The following ADGRL2 variants were observed in gnomAD, a reference collection of about 807,000 sequenced individuals.
ADGRL2 encodes the protein calcium-independent alpha-latrotoxin receptor 2.
A neutral mutation model predicts 157.4 loss-of-function variants in ADGRL2; 44 were observed. That is an observed-to-expected ratio of 0.28 (90% CI 0.22 to 0.36). The LOEUF is 0.36. Among genes scored for constraint, ADGRL2 ranks in the 10% least tolerant of loss-of-function variants. The pLI, the probability that ADGRL2 is intolerant of heterozygous loss-of-function variation, is 1.00. For missense variants in ADGRL2, 1,510 were observed against 1,768.9 expected (o/e 0.85, Z 2.63); for synonymous variants, 585 against 624.7 (o/e 0.94, Z 0.95).
At chr1:81,824,411 A>G (rs1429783224) in intron 1 of ADGRL2, among the ~76,000 whole-genome samples, 1 of 152,098 alleles carries the variant, frequency 6.6e-6, no homozygotes, top group Non-Finnish European at 1.5e-5. Flanking sequence ...AGAAGCTGGA[A>G]CTACAGGCAC....
intron 2 of ADGRL2, among the ~76,000 whole-genome samples, chr1:81,764,189 C>CAAAAAA (rs34716755): frequency 9.9e-6 from 1 of 101,496 alleles, no homozygotes; most frequent in Non-Finnish European, 1.9e-5. Flanking sequence ...GAGACTCTGT[C>CAAAAAA]AAAAAAAAAA....
chr1:81,622,442 G>A (rs564112385), intron 3 of ADGRL2, among the ~76,000 whole-genome samples: 3 of 152,224 alleles, frequency 2.0e-5, no homozygotes, highest in South Asian at 2.1e-4. Context: ...TTAGCTGGGC[G>A]TGGTGGCACA....
chr1:81,376,245 G>A (rs1047552157), intron 1 of ADGRL2, among the ~76,000 whole-genome samples: 10 of 152,178 alleles, frequency 6.6e-5, no homozygotes, highest in Non-Finnish European at 1.3e-4. Flanking sequence ...AGAACCATTA[G>A]GCATTTTCCC....
chr1:81,662,825 G>A (rs907401850), intron 3 of ADGRL2, among the ~76,000 whole-genome samples: 6 of 152,140 alleles, frequency 3.9e-5, no homozygotes, highest in Admixed American at 2.0e-4. Flanking sequence ...AAAGTGCAGG[G>A]ATTACAGGCG....
At chr1:81,451,100 G>T (rs890087182) in intron 2 of ADGRL2, among the ~76,000 whole-genome samples, 5 of 151,868 alleles carry the variant, frequency 3.3e-5, no homozygotes, top group African/African-American at 1.2e-4. Context: ...TTACACACTC[G>T]CTAACAGATA....
chr1:81,622,934 C>T (rs563791521), intron 3 of ADGRL2, among the ~76,000 whole-genome samples: 1 of 152,216 alleles, frequency 6.6e-6, no homozygotes, highest in South Asian at 2.1e-4. Context: ...TTTGAAGCAA[C>T]TGTAAAAATG....
At chr1:81,805,895 A>C (rs2089066089) in intron 1 of ADGRL2, among the ~76,000 whole-genome samples, 1 of 152,078 alleles carries the variant, frequency 6.6e-6, no homozygotes, top group African/African-American at 2.4e-5. Flanking sequence ...TCTTCACTTT[A>C]TGTGAGGGTG....
chr1:81,501,782 C>CAGCAGCAGG (rs2078854594), intron 2 of ADGRL2: 1 of 1,355,748 alleles, frequency 7.4e-7, no homozygotes. Context: ...GGAGCCACTT[C>CAGCAGCAGG]AGCAGCAGCA....
At chr1:81,406,771 G>C (rs565027090) in intron 1 of ADGRL2, among the ~76,000 whole-genome samples, 1 of 152,216 alleles carries the variant, frequency 6.6e-6, no homozygotes, top group East Asian at 1.9e-4. Flanking sequence ...GCACAACTCT[G>C]CTCCCCAATC....
At chr1:81,708,007 G>A (rs567758424) in intron 1 of ADGRL2, among the ~76,000 whole-genome samples, 2 of 152,268 alleles carry the variant, frequency 1.3e-5, no homozygotes, top group South Asian at 2.1e-4. Context: ...TCAAATATAA[G>A]TAGCTATTTT....
At position 81,398,762 on chromosome 1, in the gene ADGRL2, TCTGCTGAC is replaced by T. The variant is rs754185135; in HGVS notation, c.-301-46273_-301-46266del. Among the ~76,000 whole-genome samples the T allele has an allele frequency of 1.8e-3, 270 of 152,322 alleles. 1 individual carries two copies. The highest frequency in any genetic ancestry group is 2.9e-3 in the Non-Finnish European group (194 of 68,026). ...GGTCTATAAGACTTCTGCTGAGAAG[TCTGCTGAC>T]AGTCTAATGGAGATTTTCTTACAGA... On this transcript the variant is annotated intron_variant, in intron 1 of 24. Transcript: ENST00000370721.
At chr1:81,756,296 C>T (rs535914494) in intron 1 of ADGRL2, among the ~76,000 whole-genome samples, 2 of 150,392 alleles carry the variant, frequency 1.3e-5, no homozygotes, top group South Asian at 2.1e-4. Context: ...CTTAGGACAA[C>T]ACCAATTCTA....
chr1:81,721,703 C>T, intron 1 of ADGRL2: 2 of 1,366,608 alleles, frequency 1.5e-6, no homozygotes, highest in Non-Finnish European at 2.1e-6. Flanking sequence ...ATGGACCCCC[C>T]GCAAAGTGAA....
At chr1:81,616,679 C>CTTTTTTTTTTTTTTTTTTTTTTTTTTT (rs1164087131) in intron 3 of ADGRL2, among the ~76,000 whole-genome samples, 7 of 105,986 alleles carry the variant, frequency 6.6e-5, no homozygotes, top group Admixed American at 1.1e-4. Context: ...CTTTTCTTTT[C>CTTTTTTTTTTTTTTTTTTTTTTTTTTT]TTTTTTTTTT....
At chr1:81,506,536 C>T (rs1187485563) in intron 2 of ADGRL2, among the ~76,000 whole-genome samples, 3 of 151,836 alleles carry the variant, frequency 2.0e-5, no homozygotes, top group Non-Finnish European at 4.4e-5. Context: ...ATAAGGAGAC[C>T]CCATCTCTAC....
At chr1:81,840,466 G>T (rs562197765) in intron 2 of ADGRL2, among the ~76,000 whole-genome samples, 1 of 152,032 alleles carries the variant, frequency 6.6e-6, no homozygotes, top group South Asian at 2.1e-4. Flanking sequence ...AATTCATAAG[G>T]ACTTACTCTG....
At chr1:81,632,218 C>T (rs774546142) in intron 3 of ADGRL2, among the ~76,000 whole-genome samples, 11 of 152,080 alleles carry the variant, frequency 7.2e-5, no homozygotes, top group Non-Finnish European at 2.9e-5. Flanking sequence ...AAAGCAAACA[C>T]ATATTTAGAC....
At chr1:81,859,991 G>A (rs993069004) in intron 2 of ADGRL2, among the ~76,000 whole-genome samples, 3 of 151,776 alleles carry the variant, frequency 2.0e-5, no homozygotes, top group Admixed American at 1.3e-4. Context: ...TTTGGAGGCC[G>A]AGGCGGGCGA....
chr1:81,392,561 G>A (rs1030472759), intron 1 of ADGRL2, among the ~76,000 whole-genome samples: 8 of 151,918 alleles, frequency 5.3e-5, no homozygotes, highest in African/African-American at 1.7e-4. Context: ...TGCCATACTT[G>A]GATTAACCAC....
Sources: allele counts gnomAD v4.1 joint callset (sites outside exome capture counted in the v4.1 genomes callset), GRCh38; gene constraint gnomAD v4.1.1; transcripts MANE v1.5; gene names NCBI Gene and HGNC (gene_info 2026-07-23, HGNC 2026-07-21).